PCDHGA6: variants seen among roughly 807,000 people sequenced by gnomAD.
The protein encoded by PCDHGA6 is protocadherin gamma-A6.
In PCDHGA6, 41 loss-of-function variants were observed where a neutral mutation model predicts 60.6. The observed-to-expected ratio is 0.68, with a 90% CI of 0.53 to 0.88. The LOEUF (loss-of-function observed/expected upper bound fraction) is 0.88, where lower values mean the gene tolerates loss of function less well. PCDHGA6 is among the 40% of genes least tolerant of loss of function. The pLI is 0.00. For synonymous variants in PCDHGA6, 594 were observed against 524.4 expected (o/e 1.13, Z -1.81); for missense variants, 1,312 against 1,203.0 (o/e 1.09, Z -1.34).
chr5:141,395,427 T>A, intron 1 of PCDHGA6: 2 of 722,004 alleles, frequency 2.8e-6, no homozygotes, highest in Non-Finnish European at 4.3e-6. Flanking sequence ...CATTTGCTTT[T>A]AAACGACTTG....
chr5:141,413,135 T>TGTCC (rs767378713), intron 1 of PCDHGA6: 1 of 1,545,632 alleles, frequency 6.5e-7, no homozygotes, highest in Non-Finnish European at 8.7e-7. Context: ...ACACACAACG[T>TGTCC]GTCCAGTGAG....
intron 1 of PCDHGA6, chr5:141,440,744 A>C (rs2098197850): frequency 6.6e-6 from 1 of 152,194 alleles, no homozygotes; most frequent in Non-Finnish European, 1.5e-5. Context: ...CTGCTTGACT[A>C]GGAAAAGCAG....
At chr5:141,420,672 G>T (rs1478670282) in intron 1 of PCDHGA6, among the ~76,000 whole-genome samples, 1 of 152,296 alleles carries the variant, frequency 6.6e-6, no homozygotes, top group African/African-American at 2.4e-5. Flanking sequence ...CCTACCTGAT[G>T]ATTTTATCGG....
chr5:141,446,075 A>G (rs907731619), intron 1 of PCDHGA6, among the ~76,000 whole-genome samples: 1 of 152,216 alleles, frequency 6.6e-6, no homozygotes, highest in Admixed American at 6.5e-5. Context: ...GAGGCAGTGG[A>G]TGTAGAAATA....
chr5:141,378,889 T>C (rs185717248), intron 1 of PCDHGA6: 2 of 152,352 alleles, frequency 1.3e-5, no homozygotes, highest in Admixed American at 6.5e-5. Flanking sequence ...ACTAAGGAGA[T>C]AGGAGATTCT....
intron 1 of PCDHGA6, among the ~76,000 whole-genome samples, chr5:141,460,995 A>G (rs566978077): frequency 1.1e-4 from 17 of 150,188 alleles, no homozygotes; most frequent in South Asian, 2.1e-4. Flanking sequence ...ATATATATAT[A>G]TGTGTATATA....
intron 1 of PCDHGA6, chr5:141,419,144 A>G: frequency 6.2e-7 from 1 of 1,613,940 alleles, no homozygotes; most frequent in South Asian, 1.1e-5. Context: ...AGACAGGGGC[A>G]AGCCTCCGTT....
At position 141,489,108 on chromosome 5, in the gene PCDHGA6, A is replaced by C; in HGVS notation, c.2425-5699A>C. The C allele has an allele frequency of 2.0e-6, 1 of 489,086 alleles. No individual in the cohort carries two copies. The highest frequency in any genetic ancestry group is 3.5e-6 in the Non-Finnish European group (1 of 287,626). 30.3% of individuals were successfully genotyped at this position (489,086 alleles called of 1,614,324 possible). On this transcript the variant is annotated intron_variant, in intron 1 of 3. Transcript: ENST00000517434. This position sits in a 1 kb window ranked among gnomAD's most constrained non-coding sequence, Gnocchi z 4.5. The stretch of plus-strand genomic sequence containing the variant: ...TCGGTGACTAAGAACTGCTGCAAGC[A>C]GGCAAACCTCCGAGCAGTTTTTAAG...
intron 1 of PCDHGA6, among the ~76,000 whole-genome samples, chr5:141,420,727 G>C (rs1454487477): frequency 2.0e-5 from 3 of 152,180 alleles, no homozygotes; most frequent in African/African-American, 7.2e-5. Flanking sequence ...CTTTCAGTCG[G>C]TTAAAATCAA....
chr5:141,476,055 GT>G lies in PCDHGA6; in HGVS notation c.2425-18749del. 6.7e-7 allele frequency: 1 copy of G among 1,503,516 alleles called. No homozygotes were observed. Among genetic ancestry groups the G allele is most frequent in the South Asian group, 1.3e-5 (1 of 75,386 alleles). The allele number at this position is 1,503,516 out of a possible 1,614,324, so 93.1% of individuals were successfully genotyped here. ...GCGCCCAAGCGCTAACCCGCTGAAA[GT>G]TTCTCAGCGAAATCTCAGGGACGAT... On this transcript the variant is annotated intron_variant, in intron 1 of 3. Transcript: ENST00000517434. The surrounding 1 kb of genome is among the most constrained non-coding windows in gnomAD (Gnocchi z 7.6).
chr5:141,403,069 A>G (rs747569947), intron 1 of PCDHGA6: 3 of 1,613,954 alleles, frequency 1.9e-6, no homozygotes, highest in African/African-American at 2.7e-5. Flanking sequence ...CTGAAGAGAC[A>G]GAAAAGGGCT....
At position 141,432,871 on chromosome 5, in the gene PCDHGA6, C is replaced by T. The variant is rs1190891661; in HGVS notation, c.2424+56364C>T. On this transcript the variant is annotated intron_variant, in intron 1 of 3. Transcript: ENST00000517434. This position sits in a 1 kb window ranked among gnomAD's most constrained non-coding sequence, Gnocchi z 6.0. ...CGGTGGCCGCGGTCTCCTGCGTCTT[C>T]CTGGCCTTCGTCATCTTGCTGCTGG... 1 of 1,614,216 alleles carries T rather than the reference C, an allele frequency of 6.2e-7. No homozygotes were observed. Among genetic ancestry groups the T allele is most frequent in the Non-Finnish European group, 8.5e-7 (1 of 1,180,018 alleles).
chr5:141,490,862 C>G lies in PCDHGA6; in HGVS notation c.2425-3945C>G. 1 of 1,613,878 alleles carries G rather than the reference C, an allele frequency of 6.2e-7. No homozygotes were observed. Among genetic ancestry groups the G allele is most frequent in the East Asian group, 2.2e-5 (1 of 44,874 alleles). ...GTGGTGGGGGTTCGAGACTCCGGCTCTCCCCCATTGCATGCCAACACATCT... is the reference window on the plus strand; with the variant it reads ...GTGGTGGGGGTTCGAGACTCCGGCTGTCCCCCATTGCATGCCAACACATCT... On this transcript the variant is annotated intron_variant, in intron 1 of 3. Coordinates refer to ENST00000517434, the MANE Select transcript of PCDHGA6 (RefSeq NM_018919.3). The surrounding 1 kb of genome is among the most constrained non-coding windows in gnomAD (Gnocchi z 5.4).
intron 1 of PCDHGA6, chr5:141,408,105 G>T (rs566753835): frequency 2.6e-5 from 37 of 1,439,788 alleles, no homozygotes; most frequent in Non-Finnish European, 3.2e-5. Flanking sequence ...TCCGAGACCC[G>T]GGACTCCTCC....
intron 1 of PCDHGA6, chr5:141,409,547 G>A (rs760802690): frequency 1.2e-6 from 2 of 1,613,936 alleles, no homozygotes; most frequent in Non-Finnish European, 1.7e-6. Flanking sequence ...CAACGACAAC[G>A]CCCCAGTTTT....
At chr5:141,419,053 T>C in intron 1 of PCDHGA6, 1 of 1,613,954 alleles carries the variant, frequency 6.2e-7, no homozygotes, top group South Asian at 1.1e-5. Context: ...ATTCTTCTTC[T>C]AATAATTACT....
chr5:141,470,650 T>C (rs2099235744), intron 1 of PCDHGA6, among the ~76,000 whole-genome samples: 1 of 152,184 alleles, frequency 6.6e-6, no homozygotes, highest in Non-Finnish European at 1.5e-5. Context: ...TGAAGGCCCC[T>C]ACCCTTTGGT....
At chr5:141,447,834 C>T (rs2098552835) in intron 1 of PCDHGA6, among the ~76,000 whole-genome samples, 1 of 151,844 alleles carries the variant, frequency 6.6e-6, no homozygotes, top group African/African-American at 2.4e-5. Flanking sequence ...GCCTGTAATC[C>T]CAGTGCTTTG....
chr5:141,491,438 G>A lies in PCDHGA6; in HGVS notation c.2425-3369G>A, dbSNP rs376927300. The A allele has an allele frequency of 3.7e-6, 6 of 1,614,066 alleles. No homozygotes were observed. Among genetic ancestry groups the A allele is most frequent in the Admixed American group, 1.7e-5 (1 of 60,016 alleles). On this transcript the variant is annotated intron_variant, in intron 1 of 3. Coordinates refer to ENST00000517434, the MANE Select transcript of PCDHGA6 (RefSeq NM_018919.3). This position sits in a 1 kb window ranked among gnomAD's most constrained non-coding sequence, Gnocchi z 6.9. ...GGGGGTGGAGGGCAGTGCTGCAGGC[G>A]CCAGGACTCACCCTCCCCGGACTTC...
Sources: gnomAD v4.1 joint callset for allele counts (sites outside exome capture counted in the v4.1 genomes callset) on GRCh38, gnomAD v4.1.1 for gene constraint, Gnocchi (gnomAD v3.1) non-coding constraint, MANE v1.5 for transcripts, NCBI Gene and HGNC (gene_info 2026-07-23, HGNC 2026-07-21) for gene names.